The following ETV5 variants were observed in gnomAD, a reference collection of about 807,000 sequenced individuals.
The protein encoded by ETV5 is ETS translocation variant 5.
ETV5 carries 10 observed loss-of-function variants against 70.0 expected under a neutral mutation model. The ratio of observed to expected loss-of-function variants is 0.14; its 90% CI spans 0.09 to 0.24. ETV5 has a LOEUF of 0.24. Ranked by LOEUF, ETV5 falls within the 10% of genes least tolerant of loss-of-function variation. ETV5 has a pLI of 1.00. For synonymous variants in ETV5, 216 were observed against 242.2 expected, an observed-to-expected ratio of 0.89 and a Z score of 1.01; for missense variants, 453 against 651.2, an observed-to-expected ratio of 0.70 and a Z score of 3.31.
intron 5 of ETV5, among the ~76,000 whole-genome samples, chr3:186,084,932 T>G (rs1338259218): frequency 6.6e-6 from 1 of 152,130 alleles, no homozygotes; most frequent in Admixed American, 6.5e-5. Flanking sequence ...GAAGAACTAA[T>G]ACCTCTGGAA....
intron 1 of ETV5, chr3:186,108,729 G>A (rs1714659669): frequency 1.1e-5 from 12 of 1,058,426 alleles, no homozygotes; most frequent in Non-Finnish European, 1.3e-5. Flanking sequence ...CTCCGGAACC[G>A]TTAGCCGCAC....
intron 5 of ETV5, among the ~76,000 whole-genome samples, chr3:186,082,166 T>C (rs907785283): frequency 6.6e-6 from 1 of 152,246 alleles, no homozygotes; most frequent in African/African-American, 2.4e-5. Context: ...TTTTGCGCTA[T>C]AAGGGCTGCC....
At chr3:186,089,401 G>T (rs75178640) in intron 5 of ETV5, among the ~76,000 whole-genome samples, 3,377 of 152,272 alleles carry the variant, frequency 0.022, 50 homozygotes, top group South Asian at 0.04. Flanking sequence ...AATTTAATAG[G>T]TGAAAAATCA....
intron 7 of ETV5, among the ~76,000 whole-genome samples, chr3:186,070,830 T>C (rs945481246): frequency 3.9e-5 from 6 of 152,188 alleles, no homozygotes; most frequent in African/African-American, 1.4e-4. Context: ...GGCAATCACT[T>C]TCAGTGAAGG....
intron 5 of ETV5, among the ~76,000 whole-genome samples, chr3:186,098,525 G>C (rs748154843): frequency 2.0e-5 from 3 of 152,154 alleles, no homozygotes; most frequent in Admixed American, 6.5e-5. Flanking sequence ...GATCCAGCCT[G>C]AAGAGTTCAG....
Position 186,057,364 on chromosome 3 carries a change from A to C in ETV5, c.1039+59T>G, listed in dbSNP as rs1479362508. The C allele has an allele frequency of 2.5e-6, 4 of 1,605,184 alleles. No individual in the cohort carries two copies. The highest frequency in any genetic ancestry group is 3.4e-6 in the Non-Finnish European group (4 of 1,172,164). On this transcript the variant is annotated intron_variant, in intron 10 of 12. Transcript: ENST00000306376. This position sits in a 1 kb window ranked among gnomAD's most constrained non-coding sequence, Gnocchi z 4.9. ...GGACTTGGGAAGAGAGTCATGGCTGAGGTGTTCTGACACCTCCAAACCTCT... is the reference window on the plus strand; with the variant it reads ...GGACTTGGGAAGAGAGTCATGGCTGCGGTGTTCTGACACCTCCAAACCTCT...
intron 11 of ETV5, among the ~76,000 whole-genome samples, chr3:186,056,699 G>C (rs910437531): frequency 2.6e-5 from 4 of 152,218 alleles, no homozygotes; most frequent in Non-Finnish European, 5.9e-5. Context: ...TGTTCACGTA[G>C]ACTCAGAGAT....
At chr3:186,085,381 C>T (rs946733011) in intron 5 of ETV5, among the ~76,000 whole-genome samples, 15 of 152,106 alleles carry the variant, frequency 9.9e-5, no homozygotes, top group South Asian at 2.1e-4. Context: ...GCGAGCCACA[C>T]GTCATACCCC....
chr3:186,104,699 T>C (rs548192754), intron 5 of ETV5, among the ~76,000 whole-genome samples: 31 of 152,136 alleles, frequency 2.0e-4, no homozygotes, highest in Non-Finnish European at 3.2e-4. Context: ...AAATATATTT[T>C]GTCAGTTAAT....
chr3:186,046,945 GCACCC>G lies in ETV5; in HGVS notation c.*1689_*1693del, dbSNP rs1415903425. On this transcript the variant is annotated 3_prime_UTR_variant, in exon 13 of 13. Transcript: ENST00000306376. The stretch of plus-strand genomic sequence containing the variant: ...TCTCATGTTTCCATAGCTATAAAGT[GCACCC>G]CTTATCCCTGCGAACCTCTTCACAA... The G allele has an allele frequency of 4.3e-6, 1 of 230,478 alleles. No individual in the cohort carries two copies. Among genetic ancestry groups the G allele is most frequent in the Non-Finnish European group, 8.6e-6 (1 of 116,106 alleles). 14.3% of individuals were successfully genotyped at this position (230,478 alleles called of 1,614,324 possible).
At chr3:186,066,150 G>A in intron 7 of ETV5, 78 bp from the exon 8 acceptor site, 10 of 1,279,772 alleles carry the variant, frequency 7.8e-6, no homozygotes, top group Middle Eastern at 2.1e-4. Context: ...GGGACTAGAA[G>A]TTCCAATTAA....
At chr3:186,069,863 G>T (rs1274589752) in intron 7 of ETV5, among the ~76,000 whole-genome samples, 1 of 152,220 alleles carries the variant, frequency 6.6e-6, no homozygotes, top group Non-Finnish European at 1.5e-5. Flanking sequence ...TTGGAGTGCA[G>T]TGGCACAATC....
At chr3:186,096,808 T>C (rs1173445297) in intron 5 of ETV5, among the ~76,000 whole-genome samples, 1 of 152,188 alleles carries the variant, frequency 6.6e-6, no homozygotes, top group Non-Finnish European at 1.5e-5. Flanking sequence ...CATACATCCC[T>C]GGGCTATCCC....
Position 186,057,045 on chromosome 3 carries a change from A to G in ETV5, c.1209+30T>C. On this transcript the variant is annotated intron_variant, in intron 11 of 12. Transcript: ENST00000306376. The surrounding 1 kb of genome is among the most constrained non-coding windows in gnomAD (Gnocchi z 4.9). Reference sequence around the variant, plus strand: ...ACATCATCAACAACAACAAATCAAAACCCGTCTGAGTCCAGCATCCAGTGC... The same window carrying G: ...ACATCATCAACAACAACAAATCAAAGCCCGTCTGAGTCCAGCATCCAGTGC... 1 of 1,597,234 alleles carries G rather than the reference A, an allele frequency of 6.3e-7. No individual in the cohort carries two copies. The highest frequency in any genetic ancestry group is 8.6e-7 in the Non-Finnish European group (1 of 1,168,630).
chr3:186,079,613 A>G (rs1323515261), intron 7 of ETV5, among the ~76,000 whole-genome samples: 1 of 152,218 alleles, frequency 6.6e-6, no homozygotes, highest in Non-Finnish European at 1.5e-5. Flanking sequence ...GTCGTAGTCC[A>G]TCAACCATCT....
chr3:186,046,410 T>TG lies in ETV5; in HGVS notation c.*2228_*2229insC, dbSNP rs1037323325. On this transcript the variant is annotated 3_prime_UTR_variant, in exon 13 of 13. Transcript: ENST00000306376. ...TACGGCCCTGCGCAGGGGAAAGTAT[T>TG]TCAAATCAGCTGGCAGGTTCAAGCC... 5.7e-5 allele frequency: 13 copies of TG among 229,486 alleles called. No individual in the cohort carries two copies. The highest frequency in any genetic ancestry group is 1.8e-4 in the South Asian group (1 of 5,482). 14.2% of individuals were successfully genotyped at this position (229,486 alleles called of 1,614,324 possible).
At chr3:186,070,660 G>A (rs1038501569) in intron 7 of ETV5, among the ~76,000 whole-genome samples, 6 of 152,234 alleles carry the variant, frequency 3.9e-5, no homozygotes, top group African/African-American at 1.4e-4. Context: ...GCAGAGATTA[G>A]TGAAGTCATT....
At chr3:186,100,717 A>G (rs972159971) in intron 5 of ETV5, among the ~76,000 whole-genome samples, 9 of 152,220 alleles carry the variant, frequency 5.9e-5, no homozygotes, top group African/African-American at 2.2e-4. Flanking sequence ...AGAACACTTC[A>G]AGGGGAAAAT....
intron 1 of ETV5, among the ~76,000 whole-genome samples, chr3:186,107,267 G>A (rs1714610358): frequency 6.6e-6 from 1 of 152,138 alleles, no homozygotes; most frequent in Non-Finnish European, 1.5e-5. Context: ...AACACCACAA[G>A]AAATGTTCAG....
Sources: allele counts gnomAD v4.1 joint callset (sites outside exome capture counted in the v4.1 genomes callset), GRCh38; gene constraint gnomAD v4.1.1; non-coding constraint Gnocchi (gnomAD v3.1); transcripts MANE v1.5; gene names NCBI Gene and HGNC (gene_info 2026-07-23, HGNC 2026-07-21).